The following NPM1 variants were observed in gnomAD, a reference collection of about 807,000 sequenced individuals.
NPM1 encodes the protein nucleophosmin.
NPM1 carries 1 observed loss-of-function variant against 44.1 expected under a neutral mutation model. The ratio of observed to expected loss-of-function variants is 0.02; its 90% CI spans 0.01 to 0.11. The LOEUF (loss-of-function observed/expected upper bound fraction) is 0.11. Among genes scored for constraint, NPM1 ranks in the 10% least tolerant of loss-of-function variants. NPM1 has a pLI of 1.00. For missense variants in NPM1, 197 were observed against 347.8 expected, an observed-to-expected ratio of 0.57 and a Z score of 3.45; for synonymous variants, 126 against 111.8, an observed-to-expected ratio of 1.13 and a Z score of -0.80.
chr5:171,387,451 G>A (rs1314545900), upstream of NPM1, among the ~76,000 whole-genome samples: 1 of 152,180 alleles, frequency 6.6e-6, no homozygotes, highest in Non-Finnish European at 1.5e-5. Context: ...ATTCGCAGCC[G>A]GCTAACCCGC....
At chr5:171,395,916 C>T (rs1237187151) in intron 6 of NPM1, among the ~76,000 whole-genome samples, 1 of 151,144 alleles carries the variant, frequency 6.6e-6, no homozygotes, top group East Asian at 1.9e-4. Flanking sequence ...GTATGTGGCC[C>T]TTAAATGTCT....
At chr5:171,398,346 T>G (rs986572468) in intron 6 of NPM1, among the ~76,000 whole-genome samples, 7 of 152,208 alleles carry the variant, frequency 4.6e-5, no homozygotes, top group African/African-American at 1.7e-4. Flanking sequence ...CTTTGTTCCA[T>G]TTTGAGTAAA....
chr5:171,393,328 G>T (rs1770692463), intron 6 of NPM1, among the ~76,000 whole-genome samples: 1 of 152,084 alleles, frequency 6.6e-6, no homozygotes, highest in African/African-American at 2.4e-5. Context: ...AATGAGATTG[G>T]GTTGAAAGAA....
intron 6 of NPM1, among the ~76,000 whole-genome samples, chr5:171,398,770 C>CA (rs1224683063): frequency 2.6e-5 from 4 of 151,890 alleles, no homozygotes; most frequent in South Asian, 2.1e-4. Flanking sequence ...GACTCCGCCT[C>CA]AAAAAACAAA....
rs1770492291 is a variant in NPM1, at chr5:171,390,031, G to A, written c.59-20G>A. On this transcript the variant is annotated intron_variant, in intron 1 of 10. Coordinates refer to ENST00000296930, the MANE Select transcript of NPM1 (RefSeq NM_002520.7). ...TGTTATTTTTCTCCTTGTTAGAGTT[G>A]CTTTTTTCTTCATTTACAGGTTGTG... 6.8e-7 allele frequency: 1 copy of A among 1,473,880 alleles called. No homozygotes were observed. The highest frequency in any genetic ancestry group is 1.9e-4 in the Middle Eastern group (1 of 5,290). The allele number at this position is 1,473,880 out of a possible 1,614,324, so 91.3% of individuals were successfully genotyped here.
At chr5:171,405,642 C>G (rs1404714788) in intron 9 of NPM1, 2 of 461,818 alleles carry the variant, frequency 4.3e-6, no homozygotes, top group African/African-American at 4.0e-5. Context: ...ACGTAGTGCA[C>G]TGGTTGCAAG....
In NPM1 at chr5:171,387,884, C is replaced by A. The variant is rs533273568; in HGVS notation, c.-65C>A. On this transcript the variant is annotated 5_prime_UTR_variant, in exon 1 of 11. Coordinates refer to ENST00000296930, the MANE Select transcript of NPM1 (RefSeq NM_002520.7). ...TGTGATTCCGTCCTGCGCGGTTGTTCTCTGGAGCAGCGTTCTTTTATCTCC... is the reference window on the plus strand; with the variant it reads ...TGTGATTCCGTCCTGCGCGGTTGTTATCTGGAGCAGCGTTCTTTTATCTCC... 2 of 1,499,388 alleles carry A rather than the reference C, an allele frequency of 1.3e-6. No homozygotes were observed. The highest frequency in any genetic ancestry group is 1.4e-5 in the African/African-American group (1 of 72,484). 92.9% of individuals were successfully genotyped at this position (1,499,388 alleles called of 1,614,324 possible).
At chr5:171,402,952 C>CTT (rs560900151) in intron 8 of NPM1, among the ~76,000 whole-genome samples, 2,596 of 91,828 alleles carry the variant, frequency 0.028, 153 homozygotes, top group African/African-American at 0.081. Flanking sequence ...TCAGGTAGTT[C>CTT]TTTTTTTTTT....
intron 10 of NPM1, among the ~76,000 whole-genome samples, chr5:171,408,728 T>G (rs1771686133): frequency 6.6e-6 from 1 of 152,200 alleles, no homozygotes; most frequent in Admixed American, 6.5e-5. Context: ...TACTAAACAT[T>G]GATTAATCAT....
At chr5:171,389,480 A>T (rs1349907284) in intron 1 of NPM1, among the ~76,000 whole-genome samples, 1 of 152,206 alleles carries the variant, frequency 6.6e-6, no homozygotes, top group Non-Finnish European at 1.5e-5. Flanking sequence ...GTACTTTTTG[A>T]TAACTATCGG....
intron 2 of NPM1, 139 bp downstream of exon 2, chr5:171,390,269 C>T (rs1581237412): frequency 1.9e-6 from 1 of 521,680 alleles, no homozygotes; most frequent in East Asian, 3.5e-5. Context: ...TTGTGTGTAC[C>T]TCACTGTCTG....
intron 6 of NPM1, among the ~76,000 whole-genome samples, chr5:171,398,514 C>G (rs1771028563): frequency 6.6e-6 from 1 of 152,168 alleles, no homozygotes; most frequent in Non-Finnish European, 1.5e-5. Flanking sequence ...GTGGCTCACA[C>G]CTGTAATCCC....
In NPM1 at chr5:171,391,735, A is replaced by T; in HGVS notation, c.288A>T (p.Pro96=). Residue 96 remains proline, a synonymous_variant, in exon 4 of 11, where the codon CCA becomes CCT. Coordinates refer to ENST00000296930, the MANE Select transcript of NPM1 (RefSeq NM_002520.7). ...CCCTTGGGGGCTTTGAAATAACACC[A>T]CCAGTGGTCTTAAGGTTGAAGTGTG... ...TVSLGGFEIT[P]PVVLRLKCGS... 6.2e-7 allele frequency: 1 copy of T among 1,611,218 alleles called. No homozygotes were observed.
intron 6 of NPM1, among the ~76,000 whole-genome samples, chr5:171,395,002 A>AAC (rs1210957257): frequency 1.3e-5 from 2 of 151,890 alleles, no homozygotes. Context: ...AACATGGTGA[A>AAC]ACCCGGTATC....
intron 6 of NPM1, among the ~76,000 whole-genome samples, chr5:171,396,396 A>C (rs989322334): frequency 1.3e-5 from 2 of 152,240 alleles, no homozygotes; most frequent in African/African-American, 4.8e-5. Context: ...TTTCTAGCAC[A>C]GGGGAGGCAC....
intron 7 of NPM1, 102 bp from the exon 8 acceptor site, chr5:171,400,737 C>T (rs192281591): frequency 6.7e-5 from 51 of 764,096 alleles, no homozygotes; most frequent in African/African-American, 3.3e-4. Context: ...TGAGCCACCA[C>T]GCCAAGCCTG....
chr5:171,402,952 C>A (rs868559567), intron 8 of NPM1, among the ~76,000 whole-genome samples: 2 of 91,834 alleles, frequency 2.2e-5, no homozygotes, highest in African/African-American at 4.0e-5. Flanking sequence ...TCAGGTAGTT[C>A]TTTTTTTTTT....
chr5:171,390,864 A>G lies in NPM1; in HGVS notation c.139-441A>G, dbSNP rs145854693. ...CACCCTCCCGAGTAGCTGGGATTAC[A>G]GGCATGTGCCACCACACCTGGCTAA... On this transcript the variant is annotated intron_variant, in intron 2 of 10. Coordinates refer to ENST00000296930, the MANE Select transcript of NPM1 (RefSeq NM_002520.7). 7.2e-4 allele frequency among the ~76,000 whole-genome samples: 110 copies of G among 152,242 alleles called. 1 individual carries two copies. In the East Asian group the frequency reaches 0.017, roughly 23 times the overall value.
chr5:171,402,973 A>C (rs200033491), intron 8 of NPM1, among the ~76,000 whole-genome samples: 3 of 90,858 alleles, frequency 3.3e-5, no homozygotes, highest in East Asian at 3.6e-4. Context: ...TTTTCATTTT[A>C]TTTATTTATT....
Sources: allele counts gnomAD v4.1 joint callset (sites outside exome capture counted in the v4.1 genomes callset), GRCh38; gene constraint gnomAD v4.1.1; transcripts MANE v1.5; gene names NCBI Gene and HGNC (gene_info 2026-07-23, HGNC 2026-07-21).